SLC6A13: variants seen among roughly 807,000 people sequenced by gnomAD.
SLC6A13 encodes sodium- and chloride-dependent GABA transporter 2.
In SLC6A13, 69 loss-of-function variants were observed where a neutral mutation model predicts 72.9. The ratio of observed to expected loss-of-function variants is 0.95; its 90% CI spans 0.78 to 1.16. SLC6A13 has a LOEUF of 1.16. Ranked by LOEUF, SLC6A13 falls within the 50% of genes most tolerant of loss-of-function variation. The probability of loss-of-function intolerance (pLI) is 0.00; values close to 1 mark genes in which losing one functional copy is unlikely to be tolerated. For synonymous variants in SLC6A13, 303 were observed against 303.0 expected (o/e 1.00, Z 0.00); for missense variants, 735 against 760.5 (o/e 0.97, Z 0.39).
rs1304107338 is a variant in SLC6A13 at position 250,736 on chromosome 12, T to C, written c.203-6923A>G. ...TTTCCAAATTGATCTATAGATTTAA[T>C]ACAATCCTAATCAAAAGCACAACAG... On this transcript the variant is annotated intron_variant, in intron 2 of 14. Transcript: ENST00000343164. 9.4e-5 allele frequency among the ~76,000 whole-genome samples: 13 copies of C among 138,876 alleles called. 1 individual carries two copies. Among genetic ancestry groups the C allele is most frequent in the African/African-American group, 2.7e-4 (10 of 36,992 alleles). 91.1% of individuals were successfully genotyped at this position (138,876 alleles called of 152,430 possible).
intron 4 of SLC6A13, among the ~76,000 whole-genome samples, chr12:238,978 C>T (rs181875416): frequency 4.0e-5 from 6 of 150,672 alleles, no homozygotes; most frequent in African/African-American, 7.3e-5. Context: ...GTGGGTTTCC[C>T]GTCCCACTCA....
At chr12:223,280 A>G (rs767691468) in intron 11 of SLC6A13, 46 bp from the exon 12 acceptor site, 1 of 1,316,070 alleles carries the variant, frequency 7.6e-7, no homozygotes, top group Non-Finnish European at 1.1e-6. Flanking sequence ...TCCAGTGGAA[A>G]CAGAAAGATT....
intron 8 of SLC6A13, 111 bp downstream of exon 8, chr12:227,454 G>A (rs1941508344): frequency 1.3e-6 from 2 of 1,536,474 alleles, no homozygotes; most frequent in South Asian, 2.4e-5. Flanking sequence ...GGTGTAGACA[G>A]GGGGGCAGAT....
chr12:239,441 G>A (rs1204873345), intron 4 of SLC6A13, among the ~76,000 whole-genome samples: 1 of 152,146 alleles, frequency 6.6e-6, no homozygotes, highest in Non-Finnish European at 1.5e-5. Flanking sequence ...CCAGCTCAAT[G>A]ACTCGTTCCC....
At chr12:261,295 T>C (rs926488839) in intron 1 of SLC6A13, among the ~76,000 whole-genome samples, 4 of 152,224 alleles carry the variant, frequency 2.6e-5, no homozygotes, top group African/African-American at 9.6e-5. Flanking sequence ...TTACCTCCAC[T>C]TTATAAATAA....
chr12:243,660 C>A lies in SLC6A13; in HGVS notation c.337+19G>T. 6.2e-7 allele frequency: 1 copy of A among 1,606,932 alleles called. No individual in the cohort carries two copies. Among genetic ancestry groups the A allele is most frequent in the South Asian group, 1.1e-5 (1 of 89,766 alleles). On this transcript the variant is annotated intron_variant, in intron 3 of 14. Transcript: ENST00000343164. Reference sequence around the variant, plus strand: ...ACCACGAATGAAGACGCTTTGGAGTCAGGTACAGAGCTACTCACCCTCAAA... The same window carrying A: ...ACCACGAATGAAGACGCTTTGGAGTAAGGTACAGAGCTACTCACCCTCAAA...
chr12:226,970 G>A (rs907961201), intron 8 of SLC6A13: 7 of 165,684 alleles, frequency 4.2e-5, no homozygotes, highest in South Asian at 1.6e-4. Context: ...GTGTTTCAGC[G>A]TGTATTAAAA....
rs140655819 is a variant in SLC6A13, at chr12:226,465, C to T, written c.985G>A (p.Gly329Ser). ...FLNSGTSFVA[G>S]FAIFSILGFM... ...CCCAGGATGGAGAAGATGGCAAAGC[C>T]GGCCACAAAGCTGGTGCCGCTGTTG... Residue 329 changes from glycine to serine, a missense_variant, in exon 9 of 15, where the codon GGC becomes AGC. Gly to Ser is a moderately conservative substitution (Grantham distance 56). Coordinates refer to ENST00000343164, the MANE Select transcript of SLC6A13 (RefSeq NM_016615.5). 1,984 of 1,614,088 alleles carry T rather than the reference C, an allele frequency of 1.2e-3. 9 individuals carry two copies. In the Middle Eastern group the frequency reaches 0.014, roughly 12 times the overall value.
At chr12:228,567 C>T (rs1465567412) in intron 7 of SLC6A13, among the ~76,000 whole-genome samples, 1 of 152,160 alleles carries the variant, frequency 6.6e-6, no homozygotes, top group Non-Finnish European at 1.5e-5. Context: ...CAAGCAGGCC[C>T]CTGCTTTCCA....
At chr12:229,898 T>A (rs1426588272) in intron 7 of SLC6A13, among the ~76,000 whole-genome samples, 1 of 151,210 alleles carries the variant, frequency 6.6e-6, no homozygotes, top group Non-Finnish European at 1.5e-5. Flanking sequence ...GGGTGGGAGG[T>A]CGGAGTGGGG....
chr12:221,362 C>A lies in SLC6A13; in HGVS notation c.1686+14G>T. On this transcript the variant is annotated intron_variant, in intron 14 of 14. Transcript: ENST00000343164. The stretch of plus-strand genomic sequence containing the variant: ...CAGCCCCTCTGGCTGCTTTCCTGCC[C>A]GCAAAGGCCCTACCTCTCTGAAGGG... 1 of 1,572,176 alleles carries A rather than the reference C, an allele frequency of 6.4e-7. No individual in the cohort carries two copies. Among genetic ancestry groups the A allele is most frequent in the Non-Finnish European group, 8.6e-7 (1 of 1,159,080 alleles).
intron 1 of SLC6A13, among the ~76,000 whole-genome samples, chr12:261,447 G>A (rs928377683): frequency 1.3e-5 from 2 of 152,166 alleles, no homozygotes; most frequent in Non-Finnish European, 2.9e-5. Flanking sequence ...TAGGTTCACT[G>A]GTGTGTCTAC....
rs867006982 is a variant in SLC6A13 at position 237,075 on chromosome 12, A to C, written c.696+83T>G. The C allele has an allele frequency of 2.7e-6, 4 of 1,498,654 alleles. No individual in the cohort carries two copies. The Middle Eastern group carries it at 8.5e-4, about 320-fold the overall frequency. 92.8% of individuals were successfully genotyped at this position (1,498,654 alleles called of 1,614,324 possible). A position where few individuals can be genotyped will look rare whatever the true frequency, so the allele number is the denominator to read the frequency against. On this transcript the variant is annotated intron_variant, in intron 6 of 14. Transcript: ENST00000343164. ...ATCGCCTCCCATCCTCAACGGGGCC[A>C]CAGCTTAGAGAACTCCTGGGTGACA...
intron 12 of SLC6A13, among the ~76,000 whole-genome samples, chr12:222,853 G>C (rs1333058145): frequency 6.6e-6 from 1 of 152,164 alleles, no homozygotes; most frequent in East Asian, 1.9e-4. Context: ...GTCACTTCCT[G>C]ATTATCGAGG....
intron 2 of SLC6A13, among the ~76,000 whole-genome samples, chr12:250,840 A>AAAAAAAG (rs1942509829): frequency 1.3e-5 from 2 of 150,454 alleles, no homozygotes; most frequent in Non-Finnish European, 3.0e-5. Flanking sequence ...CCCCAAAAAA[A>AAAAAAAG]AAAAAAAAAA....
chr12:229,959 C>T (rs951530657), intron 7 of SLC6A13, among the ~76,000 whole-genome samples: 4 of 152,036 alleles, frequency 2.6e-5, no homozygotes, highest in South Asian at 4.1e-4. Context: ...AAGGAAAATG[C>T]GGCAGGAGGC....
intron 4 of SLC6A13, among the ~76,000 whole-genome samples, chr12:241,505 T>C (rs1189017734): frequency 6.6e-6 from 1 of 152,186 alleles, no homozygotes; most frequent in Non-Finnish European, 1.5e-5. Context: ...TGTGGCTGTT[T>C]AAGTTAACAT....
chr12:234,201 C>T lies in SLC6A13; in HGVS notation c.831+889G>A, dbSNP rs1741147147. 2.6e-5 allele frequency among the ~76,000 whole-genome samples: 4 copies of T among 152,318 alleles called. No homozygotes were observed. In the South Asian group the frequency reaches 8.3e-4, roughly 32 times the overall value. ...GTAACCACACTTCAGGGCCTCACCA[C>T]CAATTATATGTAAATTATTATGCAT... is the stretch of plus-strand genomic sequence containing the variant. On this transcript the variant is annotated intron_variant, in intron 7 of 14. Transcript: ENST00000343164.
At chr12:262,680 T>C in intron 1 of SLC6A13, 109 bp downstream of exon 1, 7 of 985,244 alleles carry the variant, frequency 7.1e-6, no homozygotes, top group Non-Finnish European at 7.2e-6. Flanking sequence ...AAGCGTACTT[T>C]CTAGGCGAGG....
Sources: gnomAD v4.1 joint callset for allele counts (sites outside exome capture counted in the v4.1 genomes callset) on GRCh38, gnomAD v4.1.1 for gene constraint, MANE v1.5 for transcripts, NCBI Gene and HGNC (gene_info 2026-07-23, HGNC 2026-07-21) for gene names.